DHX32: variants seen among roughly 807,000 people sequenced by gnomAD.
DHX32 encodes putative pre-mRNA-splicing factor ATP-dependent RNA helicase DHX32.
DHX32 carries 51 observed loss-of-function variants against 70.0 expected under a neutral mutation model. That is an observed-to-expected ratio of 0.73 (90% confidence interval 0.58 to 0.92). The LOEUF is 0.92. Ranked by LOEUF, DHX32 falls within the 40% of genes least tolerant of loss-of-function variation. The probability of loss-of-function intolerance (pLI) is 0.00; values close to 1 mark genes in which losing one functional copy is unlikely to be tolerated. For synonymous variants in DHX32, 310 were observed against 315.3 expected (o/e 0.98, Z 0.18); for missense variants, 762 against 891.8 (o/e 0.85, Z 1.85).
chr10:125,841,092 G>A, intron 7 of DHX32, 96 bp from the exon 8 acceptor site: 4 of 1,439,422 alleles, frequency 2.8e-6, no homozygotes, highest in Non-Finnish European at 1.9e-6. Flanking sequence ...TTAGTGGCAT[G>A]GCTCCTGTCT....
At chr10:125,853,788 C>G (rs1944121654) in intron 4 of DHX32, 173 bp downstream of exon 4, 3 of 695,384 alleles carry the variant, frequency 4.3e-6, no homozygotes, top group Non-Finnish European at 6.8e-6. Context: ...CTAATGGAAT[C>G]AAGACTTTTG....
rs754910755 is a variant in DHX32, at chr10:125,839,117, C to T, written c.1765G>A (p.Ala589Thr). Residue 589 changes from alanine to threonine, a missense_variant, in exon 9 of 11, where the codon GCT becomes ACT. This residue lies in a region of DHX32 where 366 missense variants were observed against 402.6 expected (regional missense o/e 0.91). Transcript: ENST00000284690. ...SALRMADVIR[A>T]ELLEIIKRIE... Reference sequence around the variant, plus strand: ...CGCTTGATAATTTCTAAGAGTTCAGCTCGAATAACATCTGCCATTCTGAGT... The same window carrying T: ...CGCTTGATAATTTCTAAGAGTTCAGTTCGAATAACATCTGCCATTCTGAGT... 3.7e-6 allele frequency: 6 copies of T among 1,614,240 alleles called. No individual in the cohort carries two copies. In the South Asian group the frequency reaches 6.6e-5, roughly 18 times the overall value.
chr10:125,872,487 G>A (rs1419189671), intron 1 of DHX32, among the ~76,000 whole-genome samples: 4 of 152,098 alleles, frequency 2.6e-5, no homozygotes, highest in Non-Finnish European at 5.9e-5. Flanking sequence ...ACAGAAAATT[G>A]CTCCTCTAAC....
rs1438375738 is a variant in DHX32 at position 125,866,338 on chromosome 10, A to G, written c.476+652T>C. On this transcript the variant is annotated intron_variant, in intron 2 of 10. Coordinates refer to ENST00000284690, the MANE Select transcript of DHX32 (RefSeq NM_018180.3). The surrounding 1 kb of genome is among the most constrained non-coding windows in gnomAD (Gnocchi z 4.8). ...TTCTTCAAAGGAAATCTCATAATGA[A>G]GCTAAGCACAGAAGAGATACCACAA... Among the ~76,000 whole-genome samples the G allele has an allele frequency of 6.6e-6, 1 of 152,238 alleles. No individual in the cohort carries two copies. Among genetic ancestry groups the G allele is most frequent in the Non-Finnish European group, 1.5e-5 (1 of 68,050 alleles).
In DHX32 at chr10:125,839,173, C is replaced by T. The variant is rs750074814; in HGVS notation, c.1709G>A (p.Trp570Ter). ...NSSSEYCVEK[W>*]CRDYFLNCSA... ...ACAGTTGAGGAAGTAATCACGACAC[C>T]ACTTTTCCACACAGTCTAGGAGGGA... Residue 570 changes from tryptophan to a stop codon, truncating the protein, a stop_gained, in exon 9 of 11, where the codon TGG (tryptophan) becomes TAG (stop). Transcript: ENST00000284690. LOFTEE classifies it high-confidence loss of function. 6.2e-7 allele frequency: 1 copy of T among 1,614,166 alleles called. No homozygotes were observed. The highest frequency in any genetic ancestry group is 8.5e-7 in the Non-Finnish European group (1 of 1,180,012).
intron 1 of DHX32, among the ~76,000 whole-genome samples, chr10:125,892,835 T>G (rs79539005): frequency 2.0e-5 from 3 of 150,634 alleles, no homozygotes; most frequent in African/African-American, 7.3e-5. Flanking sequence ...CATTGCAGGT[T>G]TTATTATCCC....
chr10:125,847,744 T>A (rs1489867130), intron 6 of DHX32, among the ~76,000 whole-genome samples: 2 of 151,944 alleles, frequency 1.3e-5, no homozygotes, highest in Non-Finnish European at 2.9e-5. Flanking sequence ...CTTGTTTTCC[T>A]GTAACTAGAC....
intron 1 of DHX32, among the ~76,000 whole-genome samples, chr10:125,887,689 G>T (rs1352974867): frequency 6.6e-6 from 1 of 151,952 alleles, no homozygotes; most frequent in Non-Finnish European, 1.5e-5. Context: ...TGCCCAGGCT[G>T]TATTCAACTC....
intron 1 of DHX32, among the ~76,000 whole-genome samples, chr10:125,879,316 A>G (rs1564832032): frequency 1.3e-5 from 2 of 151,938 alleles, no homozygotes; most frequent in South Asian, 2.1e-4. Context: ...GAACCACTGC[A>G]CCTGGCCCAC....
intron 1 of DHX32, among the ~76,000 whole-genome samples, chr10:125,867,735 C>CAAAA (rs1255031059): frequency 7.1e-5 from 4 of 56,480 alleles, no homozygotes; most frequent in Non-Finnish European, 1.6e-4. Context: ...GACTCCGTCT[C>CAAAA]AAAAAAAAAA....
At chr10:125,876,395 G>A (rs1457555660) in intron 1 of DHX32, among the ~76,000 whole-genome samples, 1 of 152,180 alleles carries the variant, frequency 6.6e-6, no homozygotes, top group African/African-American at 2.4e-5. Flanking sequence ...CCCATTGGGT[G>A]GTTACAAATG....
At chr10:125,880,109 G>A (rs1857860361) in intron 1 of DHX32, among the ~76,000 whole-genome samples, 1 of 152,180 alleles carries the variant, frequency 6.6e-6, no homozygotes, top group Non-Finnish European at 1.5e-5. Context: ...TTTGATTTCA[G>A]TAGCTCAGCC....
chr10:125,852,422 ATT>A lies in DHX32; in HGVS notation c.1220_1221del (p.Glu407ValfsTer38). ...AGTGGCGTCATGTCTTTGGAGGCAA[ATT>A]CTTCAGTGTACAGGCAGAAAAATTT... ...SGKFFCLYTE[E>X]FASKDMTPLK... On this transcript the variant is annotated frameshift_variant, in exon 6 of 11. Coordinates refer to ENST00000284690, the MANE Select transcript of DHX32 (RefSeq NM_018180.3). LOFTEE classifies it high-confidence loss of function. 1 of 1,614,152 alleles carries A rather than the reference ATT, an allele frequency of 6.2e-7. No individual in the cohort carries two copies. Among genetic ancestry groups the A allele is most frequent in the Non-Finnish European group, 8.5e-7 (1 of 1,180,028 alleles).
intron 1 of DHX32, among the ~76,000 whole-genome samples, chr10:125,891,194 T>C (rs1263697204): frequency 1.3e-5 from 2 of 152,252 alleles, no homozygotes; most frequent in Non-Finnish European, 2.9e-5. Context: ...AAAATACTAA[T>C]CTGGCTTATT....
rs1410633871 is a variant in DHX32 at position 125,854,140 on chromosome 10, G to A, written c.913C>T (p.Leu305=). The A allele has an allele frequency of 6.2e-7, 1 of 1,613,616 alleles. No homozygotes were observed. The highest frequency in any genetic ancestry group is 1.7e-5 in the Admixed American group (1 of 59,982). The change falls in exon 4 of 11, where the codon CTG becomes TTG. Residue 305 remains leucine, a synonymous_variant. Transcript: ENST00000284690. ...GSNLNPDLGE[L]VVVPLYPKEK... is the part of the protein sequence containing the mutation. ...TTTGGATACAAAGGAACAACCACCAGTTCTCCAAGATCTGGGTTTAGGTTA... is the reference window on the plus strand; with the variant it reads ...TTTGGATACAAAGGAACAACCACCAATTCTCCAAGATCTGGGTTTAGGTTA...
At chr10:125,861,446 G>A (rs1944188046) in intron 2 of DHX32, among the ~76,000 whole-genome samples, 1 of 152,132 alleles carries the variant, frequency 6.6e-6, no homozygotes, top group African/African-American at 2.4e-5. Flanking sequence ...GCAGTGAGCC[G>A]AGATTGCGCC....
At chr10:125,894,541 C>G (rs551058642) in intron 1 of DHX32, among the ~76,000 whole-genome samples, 394 of 152,390 alleles carry the variant, frequency 2.6e-3, no homozygotes, top group Non-Finnish European at 4.5e-3. Context: ...TCCTCAAAGT[C>G]AACTTAACAG....
intron 3 of DHX32, among the ~76,000 whole-genome samples, chr10:125,857,970 GCT>G (rs1277297298): frequency 6.7e-6 from 1 of 148,778 alleles, no homozygotes; most frequent in African/African-American, 2.5e-5. Flanking sequence ...TGCAATCATA[GCT>G]CACTGCAGCC....
rs1358058835 is a variant in DHX32 at position 125,854,264 on chromosome 10, AT to A, written c.850-62del. 96 of 1,484,978 alleles carry A rather than the reference AT, an allele frequency of 6.5e-5. 1 individual carries two copies. The highest frequency in any genetic ancestry group is 2.4e-4 in the Middle Eastern group (1 of 4,116). 92.0% of individuals were successfully genotyped at this position (1,484,978 alleles called of 1,614,324 possible). A position where few individuals can be genotyped will look rare whatever the true frequency, so the allele number is the denominator to read the frequency against. The stretch of plus-strand genomic sequence containing the variant: ...TGCAAACAACATCACTATTAAAAAA[AT>A]GTCTGAATTACAAAAAATTTTAGGC... On this transcript the variant is annotated intron_variant, in intron 3 of 10. Transcript: ENST00000284690.
Sources: gnomAD v4.1 joint callset for allele counts (sites outside exome capture counted in the v4.1 genomes callset) on GRCh38, gnomAD v4.1.1 for gene constraint, gnomAD v4.1.1 regional missense constraint, Gnocchi (gnomAD v3.1) non-coding constraint, MANE v1.5 for transcripts, NCBI Gene and HGNC (gene_info 2026-07-23, HGNC 2026-07-21) for gene names.